Variants in SULF1 observed in about 807,000 individuals in gnomAD.
SULF1 encodes extracellular sulfatase Sulf-1.
Under a neutral mutation model 110.5 loss-of-function variants are expected in SULF1, and 46 were observed. That is an observed-to-expected ratio of 0.42 (90% CI 0.33 to 0.53). The LOEUF (loss-of-function observed/expected upper bound fraction) is 0.53. SULF1 is among the 20% of genes least tolerant of loss of function. SULF1 has a pLI of 0.12. For synonymous variants in SULF1, 371 were observed against 387.1 expected, an observed-to-expected ratio of 0.96 and a Z score of 0.49; for missense variants, 941 against 1,094.2, an observed-to-expected ratio of 0.86 and a Z score of 1.98.
At chr8:69,554,897 C>T (rs950809485) in intron 3 of SULF1, among the ~76,000 whole-genome samples, 6 of 140,756 alleles carry the variant, frequency 4.3e-5, no homozygotes, top group African/African-American at 1.6e-4. Flanking sequence ...GAGAATGGCG[C>T]GAACCTGGGA....
chr8:69,568,158 G>T lies in SULF1; in HGVS notation c.172+4011G>T, dbSNP rs538628952. On this transcript the variant is annotated intron_variant, in intron 5 of 22. Transcript: ENST00000402687. ...ATCTTCACCTAATGCAAACCTTTTT[G>T]CACCTGTAATGCTGTAGGCAATTTT... Among the ~76,000 whole-genome samples the T allele has an allele frequency of 4.1e-3, 618 of 152,222 alleles. 5 individuals carry two copies. Among genetic ancestry groups the T allele is most frequent in the Non-Finnish European group, 6.7e-3 (457 of 68,006 alleles).
At chr8:69,565,224 C>CT (rs10714268) in intron 5 of SULF1, among the ~76,000 whole-genome samples, 161 of 145,978 alleles carry the variant, frequency 1.1e-3, no homozygotes, top group Middle Eastern at 0.011. Context: ...GTCAACCCAA[C>CT]TTTTTTTTTT....
chr8:69,595,991 C>T lies in SULF1; in HGVS notation c.735-4612C>T, dbSNP rs997987335. Among the ~76,000 whole-genome samples the T allele has an allele frequency of 7.2e-5, 11 of 152,078 alleles. 1 individual carries two copies. The highest frequency in any genetic ancestry group is 6.6e-4 in the Admixed American group (10 of 15,258). ...TTCTTATTTCTGTCGTGTCAGTAAG[C>T]AATACCGGAAAGAAAATCAAACACT... On this transcript the variant is annotated intron_variant, in intron 8 of 22. Coordinates refer to ENST00000402687, the MANE Select transcript of SULF1 (RefSeq NM_001128205.2).
chr8:69,565,262 G>C (rs1455917653), intron 5 of SULF1, among the ~76,000 whole-genome samples: 1 of 151,600 alleles, frequency 6.6e-6, no homozygotes. Flanking sequence ...ATTTTCAGGC[G>C]ACAGGCCAAA....
At chr8:69,641,640 A>G (rs1811480005) in intron 22 of SULF1, among the ~76,000 whole-genome samples, 1 of 152,050 alleles carries the variant, frequency 6.6e-6, no homozygotes, top group Non-Finnish European at 1.5e-5. Flanking sequence ...GCTACTCAAG[A>G]AGCTGAGGCA....
chr8:69,505,398 G>A (rs1811117064), intron 3 of SULF1, among the ~76,000 whole-genome samples: 2 of 152,190 alleles, frequency 1.3e-5, no homozygotes, highest in Non-Finnish European at 2.9e-5. Context: ...GGTGCGCACA[G>A]ATGGGATAAC....
chr8:69,586,992 A>G (rs1253314127), intron 7 of SULF1, among the ~76,000 whole-genome samples: 1 of 152,236 alleles, frequency 6.6e-6, no homozygotes, highest in African/African-American at 2.4e-5. Context: ...CAAGCTTAGT[A>G]TACGTGACAA....
chr8:69,545,770 C>T (rs144833781), intron 3 of SULF1, among the ~76,000 whole-genome samples: 1 of 152,296 alleles, frequency 6.6e-6, no homozygotes, highest in East Asian at 1.9e-4. Flanking sequence ...AATCTTGGCT[C>T]ACTGCAACCT....
intron 3 of SULF1, among the ~76,000 whole-genome samples, chr8:69,555,936 C>G (rs550483773): frequency 6.6e-6 from 1 of 152,010 alleles, no homozygotes; most frequent in African/African-American, 2.4e-5. Context: ...TTTTGCATTG[C>G]GCCAGATTAT....
At chr8:69,538,816 C>T (rs1252411294) in intron 3 of SULF1, among the ~76,000 whole-genome samples, 1 of 152,114 alleles carries the variant, frequency 6.6e-6, no homozygotes. Flanking sequence ...CCTCAGCCTC[C>T]CGAGTAGCTG....
At chr8:69,471,901 A>G (rs1809101738) in intron 1 of SULF1, among the ~76,000 whole-genome samples, 1 of 152,288 alleles carries the variant, frequency 6.6e-6, no homozygotes, top group South Asian at 2.1e-4. Flanking sequence ...GTCAGTCATT[A>G]ATCCTATGTA....
At chr8:69,499,108 C>T (rs1477564045) in intron 2 of SULF1, among the ~76,000 whole-genome samples, 1 of 152,166 alleles carries the variant, frequency 6.6e-6, no homozygotes, top group Non-Finnish European at 1.5e-5. Context: ...ATCTGCCCGC[C>T]TCGGCCTCCC....
At chr8:69,565,931 C>G (rs1353555968) in intron 5 of SULF1, among the ~76,000 whole-genome samples, 1 of 152,132 alleles carries the variant, frequency 6.6e-6, no homozygotes, top group East Asian at 1.9e-4. Context: ...TCCCCTCTGC[C>G]TTTTCCTCTT....
At chr8:69,562,127 C>T (rs1401138184) in intron 3 of SULF1, among the ~76,000 whole-genome samples, 2 of 152,186 alleles carry the variant, frequency 1.3e-5, no homozygotes, top group Non-Finnish European at 2.9e-5. Context: ...AAACCGATTT[C>T]TTCTTGTCTC....
In SULF1 at chr8:69,586,483, A is replaced by G; in HGVS notation, c.539A>G (p.Glu180Gly). The G allele has an allele frequency of 6.2e-7, 1 of 1,611,392 alleles. No individual in the cohort carries two copies. The highest frequency in any genetic ancestry group is 8.5e-7 in the Non-Finnish European group (1 of 1,179,540). The change falls in exon 7 of 23, where the codon GAA (glutamate) becomes GGA (glycine). Residue 180 changes from glutamate (E) to glycine (G), a missense_variant. Around this residue, in one of 3 missense-constraint regions of SULF1, gnomAD observed 822 missense variants for 934.3 expected, o/e 0.88. Transcript: ENST00000402687. ...NYTVCRNGIKEKHGFDYAKDY... is the reference protein window; with the variant it reads ...NYTVCRNGIKGKHGFDYAKDY... ...ACTGTTTGTCGCAATGGCATCAAAG[A>G]AAAGCATGGATTTGATTATGCAAAG...
At chr8:69,491,827 A>T (rs1032755392), upstream of SULF1, among the ~76,000 whole-genome samples, 18 of 152,114 alleles carry the variant, frequency 1.2e-4, no homozygotes, top group Admixed American at 8.5e-4. Flanking sequence ...AAGGTTCCAA[A>T]CCTATGGAGA....
At chr8:69,519,092 T>A (rs1812119471) in intron 3 of SULF1, among the ~76,000 whole-genome samples, 1 of 152,180 alleles carries the variant, frequency 6.6e-6, no homozygotes, top group African/African-American at 2.4e-5. Context: ...TTGCTTCATA[T>A]GTCATTTGTC....
rs191505365 is a variant in SULF1, at chr8:69,600,859, C to T, written c.885+106C>T. ...TTTTTTCCCCTTCATTTTCCAGCAT[C>T]ATTTTGAGAGAGAAAGAAAGAGAGA... On this transcript the variant is annotated intron_variant, in intron 9 of 22. Coordinates refer to ENST00000402687, the MANE Select transcript of SULF1 (RefSeq NM_001128205.2). 187 of 1,255,406 alleles carry T rather than the reference C, an allele frequency of 1.5e-4. 4 individuals carry two copies. The Middle Eastern group carries it at 0.015, about 100-fold the overall frequency. The allele number at this position is 1,255,406 out of a possible 1,614,324, so 77.8% of individuals were successfully genotyped here.
At chr8:69,496,660 A>C (rs1249912532) in intron 2 of SULF1, among the ~76,000 whole-genome samples, 1 of 152,228 alleles carries the variant, frequency 6.6e-6, no homozygotes, top group Non-Finnish European at 1.5e-5. Flanking sequence ...GCTTCCATAT[A>C]TGGTGCTGGT....
Sources: allele counts gnomAD v4.1 joint callset (sites outside exome capture counted in the v4.1 genomes callset), GRCh38; gene constraint gnomAD v4.1.1; regional missense constraint gnomAD v4.1.1; transcripts MANE v1.5; gene names NCBI Gene and HGNC (gene_info 2026-07-23, HGNC 2026-07-21).